ARHGAP8: variants seen among roughly 807,000 people sequenced by gnomAD.
The protein encoded by ARHGAP8 is rho GTPase-activating protein 8.
Under a neutral mutation model 46.1 loss-of-function variants are expected in ARHGAP8, and 62 were observed. The observed-to-expected ratio is 1.34, with a 90% CI of 1.10 to 1.66. The LOEUF (loss-of-function observed/expected upper bound fraction) is 1.66. ARHGAP8 is among the 40% of genes most tolerant of loss of function. The pLI, the probability that ARHGAP8 is intolerant of heterozygous loss-of-function variation, is 0.00. For missense variants in ARHGAP8, 923 were observed against 568.4 expected (o/e 1.62, Z -6.34); for synonymous variants, 375 against 243.1 (o/e 1.54, Z -5.05).
chr22:44,841,897 CAG>C (rs888817579), intron 7 of ARHGAP8, among the ~76,000 whole-genome samples: 8 of 152,190 alleles, frequency 5.3e-5, no homozygotes, highest in Non-Finnish European at 1.2e-4. Context: ...GAAGGTGACA[CAG>C]AGAGGAAGGG....
Position 44,813,441 on chromosome 22 carries a change from CACACATACCCACCT to C in ARHGAP8, c.300-1227_300-1214del, listed in dbSNP as rs1371762152. Reference sequence around the variant, plus strand: ...ATGTACATACACTTACACCTACATACACACATACCCACCTACAGTACATACACCCACATACAGAC... The same window carrying C: ...ATGTACATACACTTACACCTACATACACAGTACATACACCCACATACAGAC... On this transcript the variant is annotated intron_variant, in intron 4 of 11. Transcript: ENST00000356099. 9.0e-4 allele frequency among the ~76,000 whole-genome samples: 127 copies of C among 140,556 alleles called. 1 individual carries two copies. The highest frequency in any genetic ancestry group is 3.5e-3 in the African/African-American group (124 of 35,180). 92.2% of individuals were successfully genotyped at this position (140,556 alleles called of 152,430 possible). A position where few individuals can be genotyped will look rare whatever the true frequency, so the allele number is the denominator to read the frequency against.
intron 2 of ARHGAP8, among the ~76,000 whole-genome samples, chr22:44,800,100 C>CTT (rs769010356): frequency 0.045 from 4,123 of 92,394 alleles, 168 homozygotes; most frequent in East Asian, 0.088. Flanking sequence ...TCTGTTCTGT[C>CTT]TTTTTTTTTT....
At chr22:44,847,535 G>C (rs185062566) in intron 8 of ARHGAP8, among the ~76,000 whole-genome samples, 11 of 152,294 alleles carry the variant, frequency 7.2e-5, no homozygotes, top group Non-Finnish European at 1.3e-4. Context: ...TGCTGTGCTG[G>C]ACAGCTCAGC....
chr22:44,808,785 G>A (rs766682766), intron 4 of ARHGAP8: 72 of 417,498 alleles, frequency 1.7e-4, no homozygotes, highest in Middle Eastern at 7.9e-4. Context: ...CCAACATGGC[G>A]AAACCCTGTC....
At chr22:44,858,138 C>T (rs1397058371) in intron 10 of ARHGAP8, among the ~76,000 whole-genome samples, 2 of 152,158 alleles carry the variant, frequency 1.3e-5, no homozygotes, top group African/African-American at 2.4e-5. Context: ...ATTAAGAAGC[C>T]AACAGGAATG....
chr22:44,801,568 G>T (rs1158844483), intron 2 of ARHGAP8, among the ~76,000 whole-genome samples: 1 of 152,222 alleles, frequency 6.6e-6, no homozygotes, highest in African/African-American at 2.4e-5. Flanking sequence ...GTAGCACATG[G>T]TGACCCGGGC....
intron 11 of ARHGAP8, among the ~76,000 whole-genome samples, chr22:44,861,053 G>A (rs1232694582): frequency 1.3e-5 from 2 of 152,134 alleles, no homozygotes; most frequent in Non-Finnish European, 1.5e-5. Flanking sequence ...GCCCTAGCTG[G>A]TGTGCACTGG....
At chr22:44,858,842 C>T (rs1245281293) in intron 10 of ARHGAP8, among the ~76,000 whole-genome samples, 2 of 151,288 alleles carry the variant, frequency 1.3e-5, no homozygotes, top group African/African-American at 2.4e-5. Flanking sequence ...GAATCCTGAG[C>T]AGGCAGTTCG....
At position 44,754,662 on chromosome 22, in the gene ARHGAP8, G is replaced by A. The variant is rs532760374; in HGVS notation, c.-72+2035G>A. On this transcript the variant is annotated intron_variant, in intron 1 of 11. Transcript: ENST00000356099. ...TTACAGGCATGAGCCACCACACCCG[G>A]CCGAGTCATTGAAACTTACTTGACT... is the stretch of plus-strand genomic sequence containing the variant. Among the ~76,000 whole-genome samples the A allele has an allele frequency of 2.0e-5, 3 of 152,222 alleles. No homozygotes were observed. In the South Asian group the frequency reaches 6.2e-4, roughly 32 times the overall value.
chr22:44,835,726 G>A (rs1270881293), intron 7 of ARHGAP8, among the ~76,000 whole-genome samples: 1 of 152,200 alleles, frequency 6.6e-6, no homozygotes, highest in African/African-American at 2.4e-5. Context: ...GAAGAAACTT[G>A]ATCTGATGGT....
chr22:44,797,032 CG>C (rs1928139854), intron 2 of ARHGAP8, among the ~76,000 whole-genome samples: 1 of 152,108 alleles, frequency 6.6e-6, no homozygotes, highest in African/African-American at 2.4e-5. Flanking sequence ...CCATTTCCCC[CG>C]GATCCCTTTC....
At chr22:44,802,196 T>C in intron 3 of ARHGAP8, 32 bp downstream of exon 3, 1 of 1,611,856 alleles carries the variant, frequency 6.2e-7, no homozygotes, top group Non-Finnish European at 8.5e-7. Flanking sequence ...TTTCTGTCCC[T>C]GTCTCTCCAT....
Position 44,779,107 on chromosome 22 carries a change from T to TC in ARHGAP8, c.-71-7350_-71-7349insC, listed in dbSNP as rs918738754. Among the ~76,000 whole-genome samples, 4 of 151,096 alleles carry TC rather than the reference T, an allele frequency of 2.6e-5. No individual in the cohort carries two copies. The East Asian group carries it at 7.8e-4, about 29-fold the overall frequency. ...CTTTTTGGTCTCTGACTTTTTTTTTTTTTTTTTTTTGAGACAGAGTCTCAC... is the reference window on the plus strand; with the variant it reads ...CTTTTTGGTCTCTGACTTTTTTTTTTCTTTTTTTTTTGAGACAGAGTCTCAC... On this transcript the variant is annotated intron_variant, in intron 1 of 11. Transcript: ENST00000356099.
At chr22:44,804,747 A>AG (rs796486357) in intron 3 of ARHGAP8, among the ~76,000 whole-genome samples, 14 of 152,296 alleles carry the variant, frequency 9.2e-5, no homozygotes, top group African/African-American at 3.1e-4. Context: ...GATCGGACAT[A>AG]GAAGCACCCA....
intron 11 of ARHGAP8, among the ~76,000 whole-genome samples, chr22:44,861,977 G>T (rs757109866): frequency 6.6e-6 from 1 of 152,196 alleles, no homozygotes; most frequent in Non-Finnish European, 1.5e-5. Context: ...CCATCCCCAA[G>T]ATTGCATCTC....
chr22:44,797,022 C>G (rs1928138598), intron 2 of ARHGAP8, among the ~76,000 whole-genome samples: 1 of 152,112 alleles, frequency 6.6e-6, no homozygotes, highest in Non-Finnish European at 1.5e-5. Flanking sequence ...CATAGACCTC[C>G]CATTTCCCCC....
At chr22:44,837,211 TCTC>T (rs1488047742) in intron 7 of ARHGAP8, among the ~76,000 whole-genome samples, 1 of 152,124 alleles carries the variant, frequency 6.6e-6, no homozygotes, top group East Asian at 1.9e-4. Context: ...AGTCACAATT[TCTC>T]CTTATTTGTG....
At chr22:44,767,851 C>T (rs1348801687) in intron 1 of ARHGAP8, among the ~76,000 whole-genome samples, 7 of 142,780 alleles carry the variant, frequency 4.9e-5, no homozygotes, top group South Asian at 4.8e-4. Context: ...CCAGCCTGGG[C>T]GACAGAGTGA....
intron 8 of ARHGAP8, among the ~76,000 whole-genome samples, chr22:44,846,046 C>T (rs895752467): frequency 3.3e-5 from 5 of 152,076 alleles, no homozygotes; most frequent in Non-Finnish European, 7.4e-5. Flanking sequence ...GCAGGGCTGG[C>T]TCCTCTCCAG....
Sources: gnomAD v4.1 joint callset for allele counts (sites outside exome capture counted in the v4.1 genomes callset) on GRCh38, gnomAD v4.1.1 for gene constraint, MANE v1.5 for transcripts, NCBI Gene and HGNC (gene_info 2026-07-23, HGNC 2026-07-21) for gene names.